IPO7: variants seen among roughly 807,000 people sequenced by gnomAD.
IPO7 encodes the protein importin-7.
IPO7 carries 13 observed loss-of-function variants against 136.4 expected under a neutral mutation model. That is an observed-to-expected ratio of 0.10 (90% CI 0.06 to 0.15). The LOEUF (loss-of-function observed/expected upper bound fraction) is 0.15, where lower values mean the gene tolerates loss of function less well. Among genes scored for constraint, IPO7 ranks in the 10% least tolerant of loss-of-function variants. The pLI, the probability that IPO7 is intolerant of heterozygous loss-of-function variation, is 1.00. For missense variants in IPO7, 857 were observed against 1,240.6 expected, an observed-to-expected ratio of 0.69 and a Z score of 4.65; for synonymous variants, 403 against 404.4, an observed-to-expected ratio of 1.00 and a Z score of 0.04.
chr11:9,442,791 G>C (rs147846482), intron 24 of IPO7, among the ~76,000 whole-genome samples: 1 of 151,780 alleles, frequency 6.6e-6, no homozygotes, highest in African/African-American at 2.4e-5. Context: ...GGGAGGCCAC[G>C]GTGGGTGGAT....
At chr11:9,430,008 G>A (rs750719758) in intron 15 of IPO7, among the ~76,000 whole-genome samples, 174 bp downstream of exon 15, 1 of 152,142 alleles carries the variant, frequency 6.6e-6, no homozygotes, top group Admixed American at 6.6e-5. Flanking sequence ...ATGGCTTTGG[G>A]ATGAAACTGT....
At chr11:9,396,278 C>T (rs957853281) in intron 1 of IPO7, among the ~76,000 whole-genome samples, 3 of 151,976 alleles carry the variant, frequency 2.0e-5, no homozygotes, top group East Asian at 3.9e-4. Context: ...CCCCTGTAAT[C>T]CCAACTACTC....
chr11:9,400,952 C>T (rs1029883990), intron 1 of IPO7, among the ~76,000 whole-genome samples: 1 of 151,566 alleles, frequency 6.6e-6, no homozygotes, highest in Non-Finnish European at 1.5e-5. Context: ...GAAGCCGAGG[C>T]GGGTGGATCA....
intron 15 of IPO7, 58 bp from the exon 16 acceptor site, chr11:9,430,817 C>T (rs1192862857): frequency 1.3e-6 from 2 of 1,513,130 alleles, no homozygotes; most frequent in Non-Finnish European, 1.8e-6. Context: ...AAGTCTTAGA[C>T]CAAAACATAT....
intron 2 of IPO7, among the ~76,000 whole-genome samples, chr11:9,404,480 A>T (rs73404401): frequency 0.028 from 4,236 of 152,044 alleles, 162 homozygotes; most frequent in East Asian, 0.095. Flanking sequence ...AATAAATAAA[A>T]AATAAAAAAA....
chr11:9,400,586 C>A (rs77026993), intron 1 of IPO7, among the ~76,000 whole-genome samples: 1 of 151,992 alleles, frequency 6.6e-6, no homozygotes, highest in Non-Finnish European at 1.5e-5. Context: ...CCTCACCTGG[C>A]TAATTTTTTG....
chr11:9,418,172 G>A (rs1197378647), intron 6 of IPO7, among the ~76,000 whole-genome samples: 1 of 151,704 alleles, frequency 6.6e-6, no homozygotes, highest in Non-Finnish European at 1.5e-5. Context: ...CCAGGTTCAA[G>A]CAATTCCCTG....
intron 4 of IPO7, 51 bp downstream of exon 4, chr11:9,410,137 G>A: frequency 7.6e-7 from 1 of 1,318,298 alleles, no homozygotes; most frequent in African/African-American, 1.5e-5. Flanking sequence ...GGAAAAGTTG[G>A]GAAAATTTAA....
At chr11:9,427,478 T>C (rs1590446160) in intron 12 of IPO7, among the ~76,000 whole-genome samples, 1 of 152,316 alleles carries the variant, frequency 6.6e-6, no homozygotes, top group Non-Finnish European at 1.5e-5. Context: ...CTGGCTGGTC[T>C]CGAACTCCTG....
chr11:9,413,092 A>G (rs1590436503), intron 4 of IPO7, among the ~76,000 whole-genome samples: 1 of 152,048 alleles, frequency 6.6e-6, no homozygotes, highest in Middle Eastern at 3.4e-3. Flanking sequence ...GTTAGCCAGG[A>G]TGGTCTTGAT....
At chr11:9,423,965 A>G (rs1326245327) in intron 10 of IPO7, 89 bp downstream of exon 10, 4 of 698,166 alleles carry the variant, frequency 5.7e-6, no homozygotes, top group Non-Finnish European at 1.0e-5. Context: ...GGTATTATGT[A>G]TCTTCTTTGT....
chr11:9,426,588 T>G (rs1052889866), intron 12 of IPO7, among the ~76,000 whole-genome samples: 1 of 152,220 alleles, frequency 6.6e-6, no homozygotes, highest in African/African-American at 2.4e-5. Flanking sequence ...AGCTATACCA[T>G]TTTATATTTC....
Position 9,420,222 on chromosome 11 carries a change from C to T in IPO7, c.727-189C>T, listed in dbSNP as rs781111829. The T allele has an allele frequency of 2.6e-4, 129 of 494,302 alleles. 1 individual carries two copies. The highest frequency in any genetic ancestry group is 8.8e-4 in the South Asian group (27 of 30,664). The allele number at this position is 494,302 out of a possible 1,614,324, so 30.6% of individuals were successfully genotyped here. On this transcript the variant is annotated intron_variant, in intron 6 of 24. Coordinates refer to ENST00000379719, the MANE Select transcript of IPO7 (RefSeq NM_006391.3). ...GTCCCAGCTACTTGGGAGGCTGAGGCGGGAGAATTGTGTGAACTCGGGAGG... is the reference window on the plus strand; with the variant it reads ...GTCCCAGCTACTTGGGAGGCTGAGGTGGGAGAATTGTGTGAACTCGGGAGG...
At chr11:9,397,341 A>AAAAAAATATATATATATATATAT in intron 1 of IPO7, among the ~76,000 whole-genome samples, 6 of 10,762 alleles carry the variant, frequency 5.6e-4, no homozygotes, top group African/African-American at 7.5e-4. Context: ...TTTAAAAAAA[A>AAAAAAATATATATATATATATAT]ATATATATAT....
intron 1 of IPO7, among the ~76,000 whole-genome samples, chr11:9,395,036 G>A (rs1854689580): frequency 6.6e-6 from 1 of 152,058 alleles, no homozygotes; most frequent in African/African-American, 2.4e-5. Context: ...TTGAGAAGGG[G>A]ACTACTGGGC....
chr11:9,418,558 G>C (rs761437884), intron 6 of IPO7, among the ~76,000 whole-genome samples: 26 of 152,078 alleles, frequency 1.7e-4, no homozygotes, highest in Non-Finnish European at 3.4e-4. Flanking sequence ...GTTTCAAAAA[G>C]GTTTATGAAC....
intron 1 of IPO7, among the ~76,000 whole-genome samples, chr11:9,396,459 T>G (rs570224841): frequency 6.6e-6 from 1 of 152,330 alleles, no homozygotes; most frequent in South Asian, 2.1e-4. Flanking sequence ...ATTCACACAT[T>G]TAAAGTATGC....
chr11:9,400,629 A>G (rs1039427543), intron 1 of IPO7, among the ~76,000 whole-genome samples: 1 of 151,792 alleles, frequency 6.6e-6, no homozygotes, highest in Admixed American at 6.6e-5. Context: ...TCACTGTGTT[A>G]GCCAGGATGG....
chr11:9,409,681 T>C (rs944737196), intron 3 of IPO7, among the ~76,000 whole-genome samples: 8 of 152,308 alleles, frequency 5.3e-5, no homozygotes, highest in Non-Finnish European at 1.0e-4. Context: ...CCCAGCCTAA[T>C]TGATGTTCTC....
Sources: allele counts gnomAD v4.1 joint callset (sites outside exome capture counted in the v4.1 genomes callset), GRCh38; gene constraint gnomAD v4.1.1; transcripts MANE v1.5; gene names NCBI Gene and HGNC (gene_info 2026-07-23, HGNC 2026-07-21).